The following BRINP2 variants were observed in gnomAD, a reference collection of about 807,000 sequenced individuals.
BRINP2 encodes BMP/retinoic acid inducible neural specific 2.
BRINP2 carries 21 observed loss-of-function variants against 69.2 expected under a neutral mutation model. The ratio of observed to expected loss-of-function variants is 0.30; its 90% CI spans 0.22 to 0.44. BRINP2 has a LOEUF of 0.44. Ranked by LOEUF, BRINP2 falls within the 20% of genes least tolerant of loss-of-function variation. The probability of loss-of-function intolerance (pLI) is 1.00; values close to 1 mark genes in which losing one functional copy is unlikely to be tolerated. For synonymous variants in BRINP2, 380 were observed against 394.1 expected (o/e 0.96, Z 0.42); for missense variants, 877 against 986.0 (o/e 0.89, Z 1.48).
intron 2 of BRINP2, among the ~76,000 whole-genome samples, chr1:177,245,105 C>T (rs770678327): frequency 1.3e-5 from 2 of 152,088 alleles, no homozygotes; most frequent in Non-Finnish European, 2.9e-5. Context: ...AAAGTATCTA[C>T]TTCCATTCCT....
chr1:177,230,394 T>A (rs1190516720), intron 2 of BRINP2, among the ~76,000 whole-genome samples: 1 of 152,204 alleles, frequency 6.6e-6, no homozygotes, highest in East Asian at 1.9e-4. Context: ...AAAGGGTTTC[T>A]ATTTATAGGT....
intron 1 of BRINP2, among the ~76,000 whole-genome samples, chr1:177,220,056 G>A (rs986004493): frequency 2.6e-5 from 4 of 152,346 alleles, no homozygotes; most frequent in African/African-American, 7.2e-5. Context: ...ATGCCCAGGG[G>A]CAGGGCCAAA....
At chr1:177,202,428 C>T (rs1169416683) in intron 1 of BRINP2, among the ~76,000 whole-genome samples, 2 of 152,182 alleles carry the variant, frequency 1.3e-5, no homozygotes, top group Non-Finnish European at 2.9e-5. Context: ...TTTCAAAGAA[C>T]ATCTTTATTT....
At chr1:177,268,341 C>G (rs1306550126) in intron 4 of BRINP2, among the ~76,000 whole-genome samples, 2 of 152,190 alleles carry the variant, frequency 1.3e-5, no homozygotes, top group Non-Finnish European at 2.9e-5. Flanking sequence ...ACACCTGCCA[C>G]CTACCTTCCT....
intron 4 of BRINP2, among the ~76,000 whole-genome samples, chr1:177,265,441 C>T (rs2102353811): frequency 6.6e-6 from 1 of 152,306 alleles, no homozygotes; most frequent in Non-Finnish European, 1.5e-5. Context: ...TCTAGGACTT[C>T]ATCAACTTTT....
At chr1:177,237,045 G>T (rs542085856) in intron 2 of BRINP2, among the ~76,000 whole-genome samples, 2 of 152,120 alleles carry the variant, frequency 1.3e-5, no homozygotes, top group Non-Finnish European at 2.9e-5. Context: ...TTACATTTCT[G>T]CTTTGGAAAA....
chr1:177,212,245 A>C (rs1158319355), intron 1 of BRINP2, among the ~76,000 whole-genome samples: 1 of 152,090 alleles, frequency 6.6e-6, no homozygotes, highest in Non-Finnish European at 1.5e-5. Context: ...CATTATTTTT[A>C]GGGTATTTAA....
At chr1:177,234,068 A>G (rs1226444396) in intron 2 of BRINP2, among the ~76,000 whole-genome samples, 1 of 152,224 alleles carries the variant, frequency 6.6e-6, no homozygotes, top group African/African-American at 2.4e-5. Context: ...TCTCAGATCC[A>G]TCTCTTAATA....
intron 2 of BRINP2, among the ~76,000 whole-genome samples, chr1:177,244,608 C>G (rs1650317208): frequency 6.6e-6 from 1 of 152,128 alleles, no homozygotes; most frequent in South Asian, 2.1e-4. Flanking sequence ...ACACTACAGC[C>G]TGGGTGAAAA....
In BRINP2 at chr1:177,214,044, G is replaced by T. The variant is rs533091440; in HGVS notation, c.-76-15757G>T. ...ATTACTCAAGTTCTTCTATGGGGGG[G>T]CTCTTAATTTTGCACAAGGACCTTC... On this transcript the variant is annotated intron_variant, in intron 1 of 7. Coordinates refer to ENST00000361539, the MANE Select transcript of BRINP2 (RefSeq NM_021165.4). Among the ~76,000 whole-genome samples the T allele has an allele frequency of 5.2e-3, 796 of 152,252 alleles. 8 individuals carry two copies. The highest frequency in any genetic ancestry group is 0.018 in the African/African-American group (728 of 41,548).
chr1:177,274,920 T>C (rs1203595955), intron 5 of BRINP2, among the ~76,000 whole-genome samples: 1 of 152,216 alleles, frequency 6.6e-6, no homozygotes, highest in African/African-American at 2.4e-5. Flanking sequence ...AATTTTAAGT[T>C]ATATTTTGAG....
chr1:177,280,322 G>A (rs905137362), intron 7 of BRINP2, 90 bp from the exon 8 acceptor site: 60 of 1,292,134 alleles, frequency 4.6e-5, no homozygotes, highest in Middle Eastern at 3.9e-4. Flanking sequence ...TGCCTTCCAC[G>A]CCTAGTGGTC....
chr1:177,250,140 G>A (rs936110497), intron 2 of BRINP2, among the ~76,000 whole-genome samples: 3 of 152,068 alleles, frequency 2.0e-5, no homozygotes, highest in African/African-American at 7.2e-5. Context: ...CAAACTCCTG[G>A]GCTCAAATGA....
intron 2 of BRINP2, among the ~76,000 whole-genome samples, chr1:177,231,231 A>T (rs907920826): frequency 6.6e-6 from 1 of 152,198 alleles, no homozygotes; most frequent in Admixed American, 6.5e-5. Context: ...ACAGATGGGG[A>T]AATTGAGGCC....
At chr1:177,194,212 T>C (rs1648672894) in intron 1 of BRINP2, among the ~76,000 whole-genome samples, 1 of 152,224 alleles carries the variant, frequency 6.6e-6, no homozygotes. Context: ...GGCTTTTTGT[T>C]TTCTGTTTTT....
At position 177,175,577 on chromosome 1, in the gene BRINP2, C is replaced by T. The variant is rs564097945; in HGVS notation, c.-77+3845C>T. Among the ~76,000 whole-genome samples the T allele has an allele frequency of 5.9e-5, 9 of 152,280 alleles. No homozygotes were observed. In the East Asian group the frequency reaches 1.7e-3, roughly 29 times the overall value. On this transcript the variant is annotated intron_variant, in intron 1 of 7. Coordinates refer to ENST00000361539, the MANE Select transcript of BRINP2 (RefSeq NM_021165.4). ...GGATGTTTTTCATGCTGCAAGTCAC[C>T]GGTGGCTTGGGTGGCCCCATTCCAA...
intron 3 of BRINP2, chr1:177,256,470 A>G: frequency 1.0e-6 from 1 of 985,420 alleles, no homozygotes. Context: ...CCCACAGGCA[A>G]AAAAGTCGAA....
chr1:177,226,213 AG>A (rs1171105661), intron 1 of BRINP2, among the ~76,000 whole-genome samples: 2 of 152,226 alleles, frequency 1.3e-5, no homozygotes, highest in Non-Finnish European at 2.9e-5. Flanking sequence ...CAGTGCACCA[AG>A]GGGTGAAGTA....
At chr1:177,200,843 A>C (rs763899433) in intron 1 of BRINP2, among the ~76,000 whole-genome samples, 3 of 152,238 alleles carry the variant, frequency 2.0e-5, no homozygotes, top group East Asian at 1.9e-4. Context: ...AACATGTAGC[A>C]GTTACTCAAT....
Sources: allele counts gnomAD v4.1 joint callset (sites outside exome capture counted in the v4.1 genomes callset), GRCh38; gene constraint gnomAD v4.1.1; transcripts MANE v1.5; gene names NCBI Gene and HGNC (gene_info 2026-07-23, HGNC 2026-07-21).